ANKRD11: variants seen among roughly 807,000 people sequenced by gnomAD.
The protein encoded by ANKRD11 is ankyrin repeat domain-containing protein 11.
ANKRD11 carries 17 observed loss-of-function variants against 195.7 expected under a neutral mutation model. The observed-to-expected ratio is 0.09, with a 90% confidence interval of 0.06 to 0.13. The LOEUF is 0.13. Among genes scored for constraint, ANKRD11 ranks in the 10% least tolerant of loss-of-function variants. ANKRD11 has a pLI of 1.00. For synonymous variants in ANKRD11, 1,953 were observed against 1,528.1 expected (o/e 1.28, Z -6.49); for missense variants, 3,735 against 3,566.1 (o/e 1.05, Z -1.21).
chr16:89,279,093 G>T lies in ANKRD11; in HGVS notation c.7449C>A (p.Leu2483=). Residue 2483 remains leucine (L), a synonymous_variant, in exon 9 of 13, where the codon CTC becomes CTA. Transcript: ENST00000301030. This position sits in a 1 kb window ranked among gnomAD's most constrained non-coding sequence, Gnocchi z 5.6. ...TCACCACGGGGATGTGGAGCTTGCT[G>T]AGCGGCTTGCCGTCCAGGAGGTAGG... ...TGSYLLDGKP[L]SKLHIPVIAP... The T allele has an allele frequency of 6.2e-7, 1 of 1,614,048 alleles. No homozygotes were observed. The highest frequency in any genetic ancestry group is 8.5e-7 in the Non-Finnish European group (1 of 1,179,962).
At chr16:89,385,262 C>T (rs1372984976) in intron 2 of ANKRD11, among the ~76,000 whole-genome samples, 1 of 151,880 alleles carries the variant, frequency 6.6e-6, no homozygotes, top group African/African-American at 2.4e-5. Context: ...CGTCTCAGCT[C>T]ACTGCACAGG....
chr16:89,480,145 T>C (rs1055054036), intron 1 of ANKRD11, among the ~76,000 whole-genome samples: 1 of 150,152 alleles, frequency 6.7e-6, no homozygotes, highest in African/African-American at 2.5e-5. Context: ...TGCCAAGTAT[T>C]ATTGCCTTCC....
chr16:89,478,392 AG>A (rs1365126842), intron 1 of ANKRD11, among the ~76,000 whole-genome samples: 1 of 152,010 alleles, frequency 6.6e-6, no homozygotes, highest in Non-Finnish European at 1.5e-5. Context: ...CACAACTCAT[AG>A]GAAAAAAGAT....
intron 2 of ANKRD11, among the ~76,000 whole-genome samples, chr16:89,339,478 C>G (rs1397358186): frequency 1.4e-5 from 2 of 144,178 alleles, no homozygotes; most frequent in Non-Finnish European, 1.6e-5. Flanking sequence ...CCTGAGTGCA[C>G]GCAGCGCATG....
rs559185167 is a variant in ANKRD11 at position 89,321,500 on chromosome 16, G to C, written c.-59-4422C>G. On this transcript the variant is annotated intron_variant, in intron 2 of 12. Coordinates refer to ENST00000301030, the MANE Select transcript of ANKRD11 (RefSeq NM_013275.6). ...GGGCCGGGTGGGGAGCCGCAGCTGC[G>C]GGGCAGGGGCTGCCCAGGAGCACTC... Among the ~76,000 whole-genome samples, 120 of 151,982 alleles carry C rather than the reference G, an allele frequency of 7.9e-4. 1 individual carries two copies. Among genetic ancestry groups the C allele is most frequent in the Middle Eastern group, 3.4e-3 (1 of 294 alleles).
intron 1 of ANKRD11, among the ~76,000 whole-genome samples, chr16:89,469,629 T>C (rs942287768): frequency 4.0e-5 from 6 of 150,580 alleles, no homozygotes; most frequent in African/African-American, 1.5e-4. Flanking sequence ...CCAGGCGCGG[T>C]GGCTCACACC....
chr16:89,396,691 T>C (rs1252827579), intron 2 of ANKRD11, among the ~76,000 whole-genome samples: 2 of 152,158 alleles, frequency 1.3e-5, no homozygotes, highest in Non-Finnish European at 2.9e-5. Flanking sequence ...TTTGTTGTTG[T>C]TGCTGTTGTT....
intron 1 of ANKRD11, among the ~76,000 whole-genome samples, chr16:89,435,796 TCACACACACACACA>T (rs58503159): frequency 3.0e-4 from 43 of 143,110 alleles, no homozygotes; most frequent in Admixed American, 1.0e-3. Flanking sequence ...CACCAGCTCT[TCACACACACACACA>T]CACACACACA....
Position 89,441,500 on chromosome 16 carries a change from GC to G in ANKRD11, c.-144-23133del, listed in dbSNP as rs1392394926. ...TACGCAAACCTGGCCGGGCGCGGTG[GC>G]TCACGCCTGTAATCCCAGCACTTTG... On this transcript the variant is annotated intron_variant, in intron 1 of 12. Transcript: ENST00000301030. Among the ~76,000 whole-genome samples the G allele has an allele frequency of 2.0e-5, 3 of 151,958 alleles. No individual in the cohort carries two copies. The East Asian group carries it at 5.8e-4, about 29-fold the overall frequency.
intron 9 of ANKRD11, among the ~76,000 whole-genome samples, chr16:89,275,850 C>T (rs947087847): frequency 6.6e-6 from 1 of 152,216 alleles, no homozygotes; most frequent in African/African-American, 2.4e-5. Flanking sequence ...CCGAGACCAT[C>T]AGGATGAGGC....
At chr16:89,272,253 G>A (rs147642354) in intron 11 of ANKRD11, 4 of 152,278 alleles carry the variant, frequency 2.6e-5, no homozygotes, top group East Asian at 3.9e-4. Context: ...ACAATTGCTC[G>A]CGAGGATGTG....
chr16:89,422,945 G>C (rs2042572967), intron 1 of ANKRD11, among the ~76,000 whole-genome samples: 1 of 152,042 alleles, frequency 6.6e-6, no homozygotes, highest in Admixed American at 6.5e-5. Flanking sequence ...ATCTACAACT[G>C]CTTGCTAACC....
intron 3 of ANKRD11, 96 bp downstream of exon 3, chr16:89,316,837 G>C (rs2036987060): frequency 7.0e-7 from 1 of 1,426,582 alleles, no homozygotes; most frequent in African/African-American, 1.4e-5. Flanking sequence ...AAGGGCCGGA[G>C]GGCGGAGAAC....
At position 89,366,318 on chromosome 16, in the gene ANKRD11, G is replaced by A. The variant is rs527896955; in HGVS notation, c.-59-49240C>T. Among the ~76,000 whole-genome samples the A allele has an allele frequency of 6.6e-5, 10 of 152,216 alleles. No homozygotes were observed. The South Asian group carries it at 1.9e-3, about 28-fold the overall frequency. ...CCCGCATGTGTCTTTATGGTAGAAT[G>A]GTTTCTATTCCTCTGGGTATATACC... On this transcript the variant is annotated intron_variant, in intron 2 of 12. Transcript: ENST00000301030.
intron 1 of ANKRD11, among the ~76,000 whole-genome samples, chr16:89,440,363 T>A (rs2043396478): frequency 6.6e-6 from 1 of 152,028 alleles, no homozygotes; most frequent in South Asian, 2.1e-4. Context: ...ATCCCAGAAC[T>A]CTGGAAGGCT....
intron 1 of ANKRD11, among the ~76,000 whole-genome samples, chr16:89,485,079 T>G (rs770338608): frequency 8.7e-6 from 1 of 114,962 alleles, no homozygotes; most frequent in African/African-American, 2.8e-5. Flanking sequence ...CTCAACAGGA[T>G]TCGGTCCTCT....
intron 2 of ANKRD11, chr16:89,373,375 A>T (rs193030909): frequency 2.6e-5 from 4 of 152,444 alleles, no homozygotes; most frequent in Non-Finnish European, 5.9e-5. Context: ...CAGGAAGCTC[A>T]ATTCCAAAAC....
chr16:89,385,374 C>G (rs1396489350), intron 2 of ANKRD11, among the ~76,000 whole-genome samples: 1 of 150,776 alleles, frequency 6.6e-6, no homozygotes, highest in Non-Finnish European at 1.5e-5. Flanking sequence ...GGTGATCCAC[C>G]CGCTTCAGCC....
At position 89,481,642 on chromosome 16, in the gene ANKRD11, T is replaced by C. The variant is rs570618057; in HGVS notation, c.-145+8603A>G. Among the ~76,000 whole-genome samples the C allele has an allele frequency of 2.5e-4, 38 of 152,312 alleles. No individual in the cohort carries two copies. The East Asian group carries it at 4.8e-3, about 19-fold the overall frequency. Reference sequence around the variant, plus strand: ...ACCGCCTGCAAACTCTGACACATCATCTTCTGCCTCAAAACAAGTAAGCAA... The same window carrying C: ...ACCGCCTGCAAACTCTGACACATCACCTTCTGCCTCAAAACAAGTAAGCAA... On this transcript the variant is annotated intron_variant, in intron 1 of 12. Coordinates refer to ENST00000301030, the MANE Select transcript of ANKRD11 (RefSeq NM_013275.6).
Sources: gnomAD v4.1 joint callset for allele counts (sites outside exome capture counted in the v4.1 genomes callset) on GRCh38, gnomAD v4.1.1 for gene constraint, Gnocchi (gnomAD v3.1) non-coding constraint, MANE v1.5 for transcripts, NCBI Gene and HGNC (gene_info 2026-07-23, HGNC 2026-07-21) for gene names.